ATP8B4: variants seen among roughly 807,000 people sequenced by gnomAD.
The protein encoded by ATP8B4 is probable phospholipid-transporting ATPase IM.
Under a neutral mutation model 145.6 loss-of-function variants are expected in ATP8B4, and 133 were observed. That is an observed-to-expected ratio of 0.91 (90% CI 0.79 to 1.05). The LOEUF (loss-of-function observed/expected upper bound fraction) is 1.05. ATP8B4 is among the 50% of genes least tolerant of loss of function. The pLI is 0.00. For synonymous variants in ATP8B4, 507 were observed against 492.9 expected, an observed-to-expected ratio of 1.03 and a Z score of -0.38; for missense variants, 1,458 against 1,425.2, an observed-to-expected ratio of 1.02 and a Z score of -0.37.
intron 1 of ATP8B4, among the ~76,000 whole-genome samples, chr15:50,117,196 C>T (rs2057181645): frequency 6.6e-6 from 1 of 152,094 alleles, no homozygotes; most frequent in Non-Finnish European, 1.5e-5. Flanking sequence ...ATTACAGGAG[C>T]CCACCACCAT....
intron 1 of ATP8B4, among the ~76,000 whole-genome samples, chr15:50,109,090 T>A (rs2056821848): frequency 6.6e-6 from 1 of 152,158 alleles, no homozygotes. Flanking sequence ...CCTCCTGTTT[T>A]CTGGTCCCTA....
At chr15:49,981,099 A>T in intron 11 of ATP8B4, 107 bp downstream of exon 11, 1 of 952,756 alleles carries the variant, frequency 1.0e-6, no homozygotes, top group Non-Finnish European at 1.6e-6. Flanking sequence ...ATCCCCAAAA[A>T]CAAACTCCAC....
At chr15:50,173,678 A>G (rs2044721984) in intron 1 of ATP8B4, among the ~76,000 whole-genome samples, 1 of 152,110 alleles carries the variant, frequency 6.6e-6, no homozygotes, top group African/African-American at 2.4e-5. Flanking sequence ...CTCTCCGAGA[A>G]ACACCCAAAA....
At chr15:49,920,456 G>A (rs755079810) in intron 17 of ATP8B4, 46 bp from the exon 18 acceptor site, 3 of 1,536,864 alleles carry the variant, frequency 2.0e-6, no homozygotes, top group Non-Finnish European at 2.6e-6. Flanking sequence ...GAAACAATAA[G>A]CACAGAAATA....
At chr15:50,094,688 ATG>A (rs1039140589) in intron 2 of ATP8B4, among the ~76,000 whole-genome samples, 23 of 136,392 alleles carry the variant, frequency 1.7e-4, no homozygotes, top group Admixed American at 3.1e-4. Context: ...ATTTGTATAT[ATG>A]TGTGTGTGTA....
intron 20 of ATP8B4, among the ~76,000 whole-genome samples, chr15:49,904,371 A>G (rs2038378309): frequency 6.6e-6 from 1 of 152,198 alleles, no homozygotes; most frequent in Admixed American, 6.5e-5. Flanking sequence ...ATTAGAGTTC[A>G]TGAAATGGGA....
At chr15:50,009,582 C>T (rs1599781302) in intron 7 of ATP8B4, 1 of 413,718 alleles carries the variant, frequency 2.4e-6, no homozygotes, top group East Asian at 8.1e-5. Context: ...AGTTCCCCAT[C>T]TAGTGCCCTT....
rs12443365 is a variant in ATP8B4, at chr15:50,142,286, A to G, written c.-42-35278T>C. ...TTGTTTTTATGTTCATTTTTTATGA[A>G]TAGACTTTTTATTGCAATATAATAT... On this transcript the variant is annotated intron_variant, in intron 1 of 3. Transcript: ENST00000558829. Among the ~76,000 whole-genome samples the G allele has an allele frequency of 1.3e-3, 194 of 152,278 alleles. 3 individuals carry two copies. Among genetic ancestry groups the G allele is most frequent in the Admixed American group, 0.01 (158 of 15,292 alleles).
At chr15:50,122,661 A>G (rs1054925418), upstream of ATP8B4, among the ~76,000 whole-genome samples, 8 of 152,178 alleles carry the variant, frequency 5.3e-5, no homozygotes, top group Admixed American at 5.2e-4. Flanking sequence ...CAATTTGGGA[A>G]TATGCACTAA....
intron 23 of ATP8B4, among the ~76,000 whole-genome samples, chr15:49,886,913 G>A (rs544448501): frequency 1.3e-4 from 20 of 151,952 alleles, no homozygotes; most frequent in African/African-American, 3.1e-4. Flanking sequence ...GGGTTCAAGC[G>A]ATTCTCCTGC....
intron 1 of ATP8B4, among the ~76,000 whole-genome samples, chr15:50,172,873 C>T (rs2140872037): frequency 6.6e-6 from 1 of 152,090 alleles, no homozygotes; most frequent in South Asian, 2.1e-4. Context: ...TGACCGGCCG[C>T]CCCGTCTGAG....
At chr15:49,986,345 G>T (rs1304417166) in intron 10 of ATP8B4, among the ~76,000 whole-genome samples, 1 of 152,178 alleles carries the variant, frequency 6.6e-6, no homozygotes, top group Non-Finnish European at 1.5e-5. Flanking sequence ...GGAAGATAAA[G>T]GAATGTTCAT....
chr15:50,097,829 A>G (rs748334735), intron 2 of ATP8B4, among the ~76,000 whole-genome samples: 1 of 152,234 alleles, frequency 6.6e-6, no homozygotes, highest in Non-Finnish European at 1.5e-5. Context: ...ACTGTATCAT[A>G]TATCTATGAA....
chr15:50,175,826 G>C (rs1375859647), intron 1 of ATP8B4, among the ~76,000 whole-genome samples: 2 of 152,152 alleles, frequency 1.3e-5, no homozygotes, highest in Non-Finnish European at 2.9e-5. Context: ...ACTACGATTT[G>C]ATCCAGCAAT....
chr15:50,139,481 A>G (rs1161144362), intron 1 of ATP8B4, among the ~76,000 whole-genome samples: 1 of 152,184 alleles, frequency 6.6e-6, no homozygotes, highest in Non-Finnish European at 1.5e-5. Context: ...CAAATACCCA[A>G]TGCGTGCAGA....
chr15:50,114,991 A>T (rs191659967), intron 1 of ATP8B4, among the ~76,000 whole-genome samples: 3 of 152,208 alleles, frequency 2.0e-5, no homozygotes, highest in African/African-American at 4.8e-5. Flanking sequence ...AAAAGCCCAC[A>T]GTCTGGGGAA....
At chr15:50,060,382 A>C (rs2052924136) in intron 3 of ATP8B4, among the ~76,000 whole-genome samples, 1 of 152,218 alleles carries the variant, frequency 6.6e-6, no homozygotes, top group African/African-American at 2.4e-5. Context: ...CAATCCAATT[A>C]AATAATACTT....
chr15:49,877,461 C>T (rs1285272483), intron 24 of ATP8B4, among the ~76,000 whole-genome samples: 1 of 152,188 alleles, frequency 6.6e-6, no homozygotes, highest in South Asian at 2.1e-4. Flanking sequence ...GAACATTCCC[C>T]TTCCTGCTTG....
chr15:49,925,477 G>C (rs1200102686), intron 16 of ATP8B4, among the ~76,000 whole-genome samples: 1 of 152,090 alleles, frequency 6.6e-6, no homozygotes, highest in African/African-American at 2.4e-5. Context: ...TTTTGTCCTT[G>C]TGCATCCTCT....
Sources: gnomAD v4.1 joint callset for allele counts (sites outside exome capture counted in the v4.1 genomes callset) on GRCh38, gnomAD v4.1.1 for gene constraint, MANE v1.5 for transcripts, NCBI Gene and HGNC (gene_info 2026-07-23, HGNC 2026-07-21) for gene names.